Variants in SLC16A12 observed in about 807,000 individuals in gnomAD.
SLC16A12 encodes the protein solute carrier family 16 member 12, also known as monocarboxylate transporter 12.
Under a neutral mutation model 42.4 loss-of-function variants are expected in SLC16A12, and 17 were observed. That is an observed-to-expected ratio of 0.40 (90% CI 0.27 to 0.60). The LOEUF (loss-of-function observed/expected upper bound fraction) is 0.60. Among genes scored for constraint, SLC16A12 ranks in the 20% least tolerant of loss-of-function variants. The pLI is 0.42. For missense variants in SLC16A12, 544 were observed against 623.0 expected, an observed-to-expected ratio of 0.87 and a Z score of 1.35; for synonymous variants, 224 against 229.4, an observed-to-expected ratio of 0.98 and a Z score of 0.21.
At chr10:89,554,163 G>A (rs1056585459) in intron 2 of SLC16A12, among the ~76,000 whole-genome samples, 13 of 148,308 alleles carry the variant, frequency 8.8e-5, no homozygotes, top group African/African-American at 3.2e-4. Context: ...AAAGAAAATG[G>A]GAAAGTTCTC....
intron 3 of SLC16A12, among the ~76,000 whole-genome samples, chr10:89,448,162 C>G (rs1485570007): frequency 6.6e-6 from 1 of 152,232 alleles, no homozygotes; most frequent in Non-Finnish European, 1.5e-5. Flanking sequence ...GGATTCACAG[C>G]CGAATTCTAT....
intron 2 of SLC16A12, among the ~76,000 whole-genome samples, chr10:89,488,587 T>C (rs1842799262): frequency 6.6e-6 from 1 of 152,178 alleles, no homozygotes; most frequent in South Asian, 2.1e-4. Context: ...CTTTAATATA[T>C]TGGGTCACTC....
At chr10:89,470,523 T>TG (rs1842475521) in intron 2 of SLC16A12, among the ~76,000 whole-genome samples, 1 of 152,158 alleles carries the variant, frequency 6.6e-6, no homozygotes, top group Non-Finnish European at 1.5e-5. Context: ...ACAGAAGTGA[T>TG]GGGGGGATTC....
chr10:89,476,458 G>T (rs2133777993), intron 2 of SLC16A12, among the ~76,000 whole-genome samples: 1 of 152,276 alleles, frequency 6.6e-6, no homozygotes, highest in South Asian at 2.1e-4. Context: ...GAAGAACATA[G>T]TTCTGCACTC....
chr10:89,480,467 T>C (rs977354243), intron 2 of SLC16A12, among the ~76,000 whole-genome samples: 1 of 152,234 alleles, frequency 6.6e-6, no homozygotes, highest in Admixed American at 6.5e-5. Flanking sequence ...TACTAATTTC[T>C]TTCTATATAA....
intron 7 of SLC16A12, among the ~76,000 whole-genome samples, chr10:89,434,668 C>CA (rs1841749986): frequency 6.6e-6 from 1 of 152,190 alleles, no homozygotes; most frequent in African/African-American, 2.4e-5. Context: ...CTGCCTTCCT[C>CA]AAAAAAATTC....
At chr10:89,501,262 T>C (rs1293273922) in intron 2 of SLC16A12, among the ~76,000 whole-genome samples, 1 of 152,084 alleles carries the variant, frequency 6.6e-6, no homozygotes, top group East Asian at 1.9e-4. Flanking sequence ...GCAATGCCCA[T>C]CAAAATACCA....
chr10:89,551,750 C>T (rs1843772361), intron 2 of SLC16A12, among the ~76,000 whole-genome samples: 1 of 152,194 alleles, frequency 6.6e-6, no homozygotes. Flanking sequence ...CTGGCCACCA[C>T]CATGTAAGAA....
At position 89,514,466 on chromosome 10, in the gene SLC16A12, T is replaced by A. The variant is rs555839092; in HGVS notation, c.-47+20035A>T. On this transcript the variant is annotated intron_variant, in intron 2 of 7. Transcript: ENST00000371790. Reference sequence around the variant, plus strand: ...GATGTCTGAGAACAGAGTGCCAGCATGCTTGGGTTCTGGTGAAGGCACTCT... The same window carrying A: ...GATGTCTGAGAACAGAGTGCCAGCAAGCTTGGGTTCTGGTGAAGGCACTCT... 2.0e-5 allele frequency among the ~76,000 whole-genome samples: 3 copies of A among 152,336 alleles called. No homozygotes were observed. The East Asian group carries it at 5.8e-4, about 29-fold the overall frequency.
chr10:89,479,935 G>C (rs1842638646), intron 2 of SLC16A12, among the ~76,000 whole-genome samples: 1 of 152,124 alleles, frequency 6.6e-6, no homozygotes, highest in Non-Finnish European at 1.5e-5. Context: ...ACTTTACATA[G>C]AGGCATTTAC....
chr10:89,486,603 A>AAAAG (rs141642264), intron 2 of SLC16A12, among the ~76,000 whole-genome samples: 2,748 of 70,274 alleles, frequency 0.039, 117 homozygotes, highest in Middle Eastern at 0.067. Flanking sequence ...AAAAAAAAAA[A>AAAAG]AAAGAAAGAA....
At chr10:89,506,358 C>T (rs144171829) in intron 2 of SLC16A12, among the ~76,000 whole-genome samples, 5 of 152,254 alleles carry the variant, frequency 3.3e-5, no homozygotes, top group Admixed American at 6.5e-5. Flanking sequence ...ACCTCTAGGA[C>T]GAAGCTTCCA....
At chr10:89,495,941 C>A (rs1823367901) in intron 2 of SLC16A12, among the ~76,000 whole-genome samples, 1 of 152,202 alleles carries the variant, frequency 6.6e-6, no homozygotes, top group South Asian at 2.1e-4. Flanking sequence ...GTAAGTTGAA[C>A]CAGAGCTGCT....
chr10:89,493,208 C>A (rs1474303650), intron 2 of SLC16A12, among the ~76,000 whole-genome samples: 1 of 149,864 alleles, frequency 6.7e-6, no homozygotes, highest in African/African-American at 2.4e-5. Flanking sequence ...ATGAATTCAC[C>A]TTTTTTCTTT....
At chr10:89,538,179 C>T (rs74146965), upstream of SLC16A12, among the ~76,000 whole-genome samples, 1,165 of 152,304 alleles carry the variant, frequency 7.6e-3, 14 homozygotes, top group African/African-American at 0.027. Flanking sequence ...GGACTGCTAT[C>T]GCTGTGCAGA....
intron 2 of SLC16A12, among the ~76,000 whole-genome samples, chr10:89,486,493 G>A (rs1232758155): frequency 6.6e-6 from 1 of 151,290 alleles, no homozygotes; most frequent in Non-Finnish European, 1.5e-5. Flanking sequence ...TCAGGAGACT[G>A]AGGTCGGAGG....
At chr10:89,498,757 G>A (rs1388551905) in intron 2 of SLC16A12, among the ~76,000 whole-genome samples, 1 of 152,136 alleles carries the variant, frequency 6.6e-6, no homozygotes, top group African/African-American at 2.4e-5. Flanking sequence ...CCCAAATACT[G>A]TGGTGGTATC....
At chr10:89,547,966 C>G (rs1472631251) in intron 2 of SLC16A12, among the ~76,000 whole-genome samples, 41 of 81,618 alleles carry the variant, frequency 5.0e-4, no homozygotes, top group African/African-American at 1.2e-3. Context: ...CCAGCCTGGG[C>G]AAAAAAAAAA....
intron 2 of SLC16A12, among the ~76,000 whole-genome samples, chr10:89,525,207 C>G (rs1427657239): frequency 8.9e-6 from 1 of 112,784 alleles, no homozygotes; most frequent in African/African-American, 3.8e-5. Flanking sequence ...GACGACAGAA[C>G]GAGACACCAT....
Sources: allele counts gnomAD v4.1 joint callset (sites outside exome capture counted in the v4.1 genomes callset), GRCh38; gene constraint gnomAD v4.1.1; transcripts MANE v1.5; gene names NCBI Gene and HGNC (gene_info 2026-07-23, HGNC 2026-07-21).